Variants in FLT1 observed in about 807,000 individuals in gnomAD.
FLT1 encodes vascular endothelial growth factor receptor 1.
A neutral mutation model predicts 156.3 loss-of-function variants in FLT1; 49 were observed. The ratio of observed to expected loss-of-function variants is 0.31; its 90% CI spans 0.25 to 0.40. The LOEUF (loss-of-function observed/expected upper bound fraction) is 0.40. FLT1 is among the 10% of genes least tolerant of loss of function. FLT1 has a pLI of 1.00. For synonymous variants in FLT1, 594 were observed against 583.8 expected (o/e 1.02, Z -0.25); for missense variants, 1,322 against 1,637.2 (o/e 0.81, Z 3.32).
At chr13:28,459,816 C>T (rs577442728) in intron 3 of FLT1, among the ~76,000 whole-genome samples, 14 of 152,204 alleles carry the variant, frequency 9.2e-5, no homozygotes, top group African/African-American at 3.1e-4. Flanking sequence ...ATTTTTGAAG[C>T]TTTGGCAATC....
intron 3 of FLT1, among the ~76,000 whole-genome samples, chr13:28,456,313 A>G (rs1879261169): frequency 6.6e-6 from 1 of 151,682 alleles, no homozygotes. Flanking sequence ...AACTATGAAT[A>G]TAAAAATATT....
intron 19 of FLT1, 74 bp from the exon 20 acceptor site, chr13:28,327,624 C>T: frequency 9.6e-7 from 1 of 1,043,304 alleles, no homozygotes; most frequent in East Asian, 2.4e-5. Flanking sequence ...TTCAGCCTGC[C>T]TGAGAAACCT....
At chr13:28,305,875 G>T (rs1870723549) in intron 29 of FLT1, among the ~76,000 whole-genome samples, 1 of 152,168 alleles carries the variant, frequency 6.6e-6, no homozygotes, top group South Asian at 2.1e-4. Context: ...GAAGTCAAAA[G>T]ATTGGACACC....
intron 12 of FLT1, among the ~76,000 whole-genome samples, chr13:28,396,289 T>C (rs992566625): frequency 7.2e-5 from 11 of 152,208 alleles, no homozygotes; most frequent in Non-Finnish European, 1.6e-4. Flanking sequence ...TGCCCATGTT[T>C]CCTCAGAAAT....
intron 24 of FLT1, 21 bp from the exon 25 acceptor site, chr13:28,317,618 A>G (rs771263964): frequency 6.7e-7 from 1 of 1,503,666 alleles, no homozygotes; most frequent in Admixed American, 1.7e-5. Flanking sequence ...CAATGTGGAA[A>G]ACACAGGGCC....
chr13:28,314,622 G>A (rs1423708738), intron 25 of FLT1, among the ~76,000 whole-genome samples: 1 of 152,112 alleles, frequency 6.6e-6, no homozygotes. Flanking sequence ...AATACACACC[G>A]CTTTAGGCCA....
At chr13:28,460,319 G>T (rs950094739) in intron 3 of FLT1, among the ~76,000 whole-genome samples, 4 of 152,196 alleles carry the variant, frequency 2.6e-5, no homozygotes, top group Non-Finnish European at 4.4e-5. Flanking sequence ...TAAAACTCAT[G>T]CTTTAAAAAA....
At chr13:28,402,585 G>T (rs74475724) in intron 11 of FLT1, among the ~76,000 whole-genome samples, 5,017 of 151,846 alleles carry the variant, frequency 0.033, 211 homozygotes, top group African/African-American at 0.1. Context: ...TATATATATA[G>T]AGAGAGAGAC....
intron 3 of FLT1, among the ~76,000 whole-genome samples, chr13:28,461,219 C>T (rs1446075331): frequency 6.6e-6 from 1 of 151,762 alleles, no homozygotes; most frequent in Non-Finnish European, 1.5e-5. Context: ...TTTTAAAAGC[C>T]CTGCTCAACT....
intron 13 of FLT1, chr13:28,386,342 T>C (rs1033637560): frequency 2.0e-6 from 2 of 1,003,974 alleles, no homozygotes; most frequent in South Asian, 4.8e-5. Flanking sequence ...TTTTATAACA[T>C]TGTTGAAGTA....
At chr13:28,319,400 T>C (rs1437869145) in intron 24 of FLT1, 23 bp downstream of exon 24, 6 of 1,471,524 alleles carry the variant, frequency 4.1e-6, no homozygotes, top group Non-Finnish European at 4.8e-6. Context: ...GGCTGTTTGA[T>C]TTCTTCCTTC....
At chr13:28,401,332 T>C (rs1241105939) in intron 11 of FLT1, among the ~76,000 whole-genome samples, 1 of 152,234 alleles carries the variant, frequency 6.6e-6, no homozygotes, top group Non-Finnish European at 1.5e-5. Flanking sequence ...CTCAAGGATT[T>C]ACATGTTAGA....
intron 10 of FLT1, among the ~76,000 whole-genome samples, chr13:28,408,466 T>C (rs1173340908): frequency 6.6e-6 from 1 of 152,164 alleles, no homozygotes; most frequent in African/African-American, 2.4e-5. Flanking sequence ...ATTGGGGCTA[T>C]AAAAATAGAA....
intron 14 of FLT1, among the ~76,000 whole-genome samples, chr13:28,379,897 C>T (rs954836894): frequency 3.3e-5 from 5 of 152,120 alleles, no homozygotes; most frequent in African/African-American, 4.8e-5. Context: ...ATTTTATAGG[C>T]GCTTGTACAA....
At chr13:28,329,279 C>A (rs1871822141) in intron 19 of FLT1, among the ~76,000 whole-genome samples, 1 of 152,202 alleles carries the variant, frequency 6.6e-6, no homozygotes. Context: ...TAGGTGAAGC[C>A]TCAAGGAATA....
chr13:28,392,455 G>T (rs1036955991), intron 12 of FLT1, among the ~76,000 whole-genome samples: 1 of 152,232 alleles, frequency 6.6e-6, no homozygotes, highest in African/African-American at 2.4e-5. Flanking sequence ...GAGGTATTGT[G>T]CACTGGTTGC....
At chr13:28,373,834 CA>C (rs1263092409) in intron 14 of FLT1, among the ~76,000 whole-genome samples, 1 of 152,108 alleles carries the variant, frequency 6.6e-6, no homozygotes, top group African/African-American at 2.4e-5. Flanking sequence ...GAGAGTTTAC[CA>C]CCCCCACTAA....
chr13:28,376,420 T>A (rs1164060500), intron 14 of FLT1, among the ~76,000 whole-genome samples: 2 of 152,256 alleles, frequency 1.3e-5, no homozygotes, highest in Non-Finnish European at 2.9e-5. Context: ...CATAAAAATT[T>A]AGCTTAAATA....
At chr13:28,450,190 A>G (rs964650247) in intron 3 of FLT1, among the ~76,000 whole-genome samples, 1 of 152,214 alleles carries the variant, frequency 6.6e-6, no homozygotes, top group African/African-American at 2.4e-5. Context: ...GCAGACACAC[A>G]CACACCTCAC....
Sources: gnomAD v4.1 joint callset for allele counts (sites outside exome capture counted in the v4.1 genomes callset) on GRCh38, gnomAD v4.1.1 for gene constraint, MANE v1.5 for transcripts, NCBI Gene and HGNC (gene_info 2026-07-23, HGNC 2026-07-21) for gene names.